EDEM3: variants seen among roughly 807,000 people sequenced by gnomAD.
EDEM3 encodes ER degradation-enhancing alpha-mannosidase-like protein 3.
A neutral mutation model predicts 110.2 loss-of-function variants in EDEM3; 60 were observed. The ratio of observed to expected loss-of-function variants is 0.54; its 90% CI spans 0.44 to 0.67. EDEM3 has a LOEUF of 0.67. EDEM3 is among the 30% of genes least tolerant of loss of function. EDEM3 has a pLI of 0.00. For missense variants in EDEM3, 996 were observed against 1,121.0 expected, an observed-to-expected ratio of 0.89 and a Z score of 1.59; for synonymous variants, 352 against 382.9, an observed-to-expected ratio of 0.92 and a Z score of 0.94.
rs185367000 is a variant in EDEM3 at position 184,693,918 on chromosome 1, C to A, written c.*145G>T. Reference sequence around the variant, plus strand: ...TAACACAGCATGCTCCAGATTCCTACGATAACTACGCCAGTCAGAACGTGG... The same window carrying A: ...TAACACAGCATGCTCCAGATTCCTAAGATAACTACGCCAGTCAGAACGTGG... On this transcript the variant is annotated 3_prime_UTR_variant, in exon 20 of 20. Coordinates refer to ENST00000318130, the MANE Select transcript of EDEM3 (RefSeq NM_025191.4). The A allele has an allele frequency of 8.7e-6, 7 of 801,272 alleles. No individual in the cohort carries two copies. Among genetic ancestry groups the A allele is most frequent in the Middle Eastern group, 3.2e-4 (1 of 3,142 alleles). 49.6% of individuals were successfully genotyped at this position (801,272 alleles called of 1,614,324 possible).
intron 17 of EDEM3, 130 bp downstream of exon 17, chr1:184,708,023 A>T: frequency 1.2e-6 from 1 of 831,442 alleles, no homozygotes; most frequent in Non-Finnish European, 1.7e-6. Context: ...ACTTTACTTA[A>T]ATCCAGGAGA....
chr1:184,749,535 C>T lies in EDEM3; in HGVS notation c.204+12G>A, dbSNP rs1421453977. The T allele has an allele frequency of 6.4e-7, 1 of 1,553,504 alleles. No individual in the cohort carries two copies. ...CACATAAATGGTAGGTAAAGATAAG[C>T]TTCCTACTTACCATATAGTTACCAT... is the stretch of plus-strand genomic sequence containing the variant. On this transcript the variant is annotated intron_variant, in intron 2 of 19. Coordinates refer to ENST00000318130, the MANE Select transcript of EDEM3 (RefSeq NM_025191.4).
chr1:184,740,124 A>G (rs1460876930), intron 2 of EDEM3, among the ~76,000 whole-genome samples: 2 of 152,220 alleles, frequency 1.3e-5, no homozygotes, highest in African/African-American at 4.8e-5. Flanking sequence ...TTCCTTCACC[A>G]AGAGACAGTT....
Position 184,726,275 on chromosome 1 carries a change from T to C in EDEM3, c.727A>G (p.Thr243Ala). ...CAAACCTCAAATATTGTTGCTCCTG[T>C]GAATCGACTTAAAGCAGCAAATTCA... ...ILEFAALSRF[T>A]GATIFEEYAR... is the part of the protein sequence containing the mutation. Residue 243 changes from threonine (T) to alanine (A), a missense_variant, in exon 7 of 20, where the codon ACA becomes GCA. Physicochemically the swap from Thr to Ala is moderately conservative, Grantham distance 58 (BLOSUM62 0). Coordinates refer to ENST00000318130, the MANE Select transcript of EDEM3 (RefSeq NM_025191.4). The C allele has an allele frequency of 1.2e-6, 2 of 1,613,674 alleles. No individual in the cohort carries two copies. Among genetic ancestry groups the C allele is most frequent in the Non-Finnish European group, 1.7e-6 (2 of 1,179,728 alleles).
rs940197719 is a variant in EDEM3, at chr1:184,710,281, T to C, written c.1845+113A>G. ...TCCTAAAATTCTCATTCTCTCACTT[T>C]AAACAGTATATTTAAAGTGTTTAGA... On this transcript the variant is annotated intron_variant, in intron 16 of 19. Coordinates refer to ENST00000318130, the MANE Select transcript of EDEM3 (RefSeq NM_025191.4). 2.3e-6 allele frequency: 3 copies of C among 1,309,292 alleles called. No individual in the cohort carries two copies. The Admixed American group carries it at 7.5e-5, about 33-fold the overall frequency. 81.1% of individuals were successfully genotyped at this position (1,309,292 alleles called of 1,614,324 possible). A position where few individuals can be genotyped will look rare whatever the true frequency, so the allele number is the denominator to read the frequency against.
chr1:184,746,282 T>TGC (rs1652426528), intron 2 of EDEM3, among the ~76,000 whole-genome samples: 1 of 152,202 alleles, frequency 6.6e-6, no homozygotes, highest in Non-Finnish European at 1.5e-5. Flanking sequence ...AACCTTCTAT[T>TGC]ACATTAATAG....
At position 184,738,940 on chromosome 1, in the gene EDEM3, A is replaced by G. The variant is rs140502338; in HGVS notation, c.205-1229T>C. 2.8e-3 allele frequency among the ~76,000 whole-genome samples: 432 copies of G among 152,144 alleles called. 4 individuals carry two copies. The East Asian group carries it at 0.035, about 12-fold the overall frequency. On this transcript the variant is annotated intron_variant, in intron 2 of 19. Coordinates refer to ENST00000318130, the MANE Select transcript of EDEM3 (RefSeq NM_025191.4). ...AAGCATGCTTAAAAGGATACCCTGA[A>G]CCTCTGAAAATAGCACTGTTATACT... is the stretch of plus-strand genomic sequence containing the variant.
Position 184,754,585 on chromosome 1 carries a change from A to T in EDEM3, c.62T>A (p.Leu21Gln), listed in dbSNP as rs775206379. The T allele has an allele frequency of 6.2e-7, 1 of 1,611,954 alleles. No homozygotes were observed. The highest frequency in any genetic ancestry group is 8.5e-7 in the Non-Finnish European group (1 of 1,179,406). ...SPVPQRARWRLVAATAAFCLV... is the reference protein window; with the variant it reads ...SPVPQRARWRQVAATAAFCLV... ...GCAGAACGCGGCCGTCGCCGCCACT[A>T]GTCTCCATCGCGCTCGCTGGGGAAC... The change falls in exon 1 of 20, where the codon CTA (leucine) becomes CAA (glutamine). Residue 21 changes from leucine (L) to glutamine (Q), a missense_variant. By Grantham distance (113) the Leu-to-Gln change is moderately radical (BLOSUM62 -2). Coordinates refer to ENST00000318130, the MANE Select transcript of EDEM3 (RefSeq NM_025191.4).
chr1:184,720,668 G>A (rs1281331310), intron 9 of EDEM3: 3 of 152,378 alleles, frequency 2.0e-5, no homozygotes, highest in African/African-American at 4.8e-5. Flanking sequence ...ATACAACATG[G>A]ATGAACTGAT....
chr1:184,713,461 T>C (rs903058351), intron 13 of EDEM3, among the ~76,000 whole-genome samples: 79 of 152,280 alleles, frequency 5.2e-4, no homozygotes, highest in African/African-American at 1.7e-3. Flanking sequence ...AAATTAAAAG[T>C]GTCAGGAAAA....
At chr1:184,732,214 A>C (rs1651567965) in intron 6 of EDEM3, among the ~76,000 whole-genome samples, 1 of 152,060 alleles carries the variant, frequency 6.6e-6, no homozygotes, top group South Asian at 2.1e-4. Context: ...GCATAGAAAG[A>C]CAAATTTTGA....
At chr1:184,733,254 CGA>C (rs1162297729) in intron 5 of EDEM3, among the ~76,000 whole-genome samples, 1 of 151,900 alleles carries the variant, frequency 6.6e-6, no homozygotes, top group Non-Finnish European at 1.5e-5. Context: ...AAAGAAAATC[CGA>C]GATACTACAT....
intron 6 of EDEM3, among the ~76,000 whole-genome samples, chr1:184,732,182 C>T (rs75254845): frequency 6.0e-5 from 9 of 148,968 alleles, no homozygotes; most frequent in South Asian, 2.2e-4. Flanking sequence ...TTCCCCCCCA[C>T]CAAAAAAAAG....
chr1:184,696,573 G>C (rs1045484968), intron 19 of EDEM3, among the ~76,000 whole-genome samples: 1 of 151,720 alleles, frequency 6.6e-6, no homozygotes, highest in Non-Finnish European at 1.5e-5. Context: ...ACATTCTTAG[G>C]GTTTTTTTTC....
At chr1:184,706,854 G>A in intron 17 of EDEM3, 46 bp from the exon 18 acceptor site, 3 of 1,580,908 alleles carry the variant, frequency 1.9e-6, no homozygotes, top group South Asian at 1.1e-5. Context: ...TTCTCAAATG[G>A]CAATCAAGTC....
intron 6 of EDEM3, among the ~76,000 whole-genome samples, chr1:184,727,109 T>C (rs1571391751): frequency 1.3e-5 from 2 of 152,216 alleles, no homozygotes; most frequent in Non-Finnish European, 2.9e-5. Flanking sequence ...CTCACCAACA[T>C]GGCGTAACCC....
intron 15 of EDEM3, among the ~76,000 whole-genome samples, chr1:184,711,095 A>T (rs1173461985): frequency 6.6e-6 from 1 of 152,100 alleles, no homozygotes; most frequent in East Asian, 1.9e-4. Context: ...AACTATAGAC[A>T]AAAGGAAATT....
intron 19 of EDEM3, among the ~76,000 whole-genome samples, chr1:184,702,160 G>C (rs1269916082): frequency 6.6e-6 from 1 of 152,094 alleles, no homozygotes; most frequent in African/African-American, 2.4e-5. Flanking sequence ...TACTAGTAAG[G>C]CCTTGCATTT....
At chr1:184,722,097 C>G (rs1215033210) in intron 8 of EDEM3, among the ~76,000 whole-genome samples, 1 of 151,900 alleles carries the variant, frequency 6.6e-6, no homozygotes, top group Non-Finnish European at 1.5e-5. Context: ...TGCATTAAGC[C>G]TTCTCTGTTT....
Sources: allele counts gnomAD v4.1 joint callset (sites outside exome capture counted in the v4.1 genomes callset), GRCh38; gene constraint gnomAD v4.1.1; transcripts MANE v1.5; gene names NCBI Gene and HGNC (gene_info 2026-07-23, HGNC 2026-07-21).